Variants in SGSM1 observed in about 807,000 individuals in gnomAD.
SGSM1 encodes the protein RUN and TBC1 domain containing 2.
Under a neutral mutation model 133.8 loss-of-function variants are expected in SGSM1, and 73 were observed. The observed-to-expected ratio is 0.55, with a 90% CI of 0.45 to 0.66. The LOEUF (loss-of-function observed/expected upper bound fraction) is 0.66, where lower values mean the gene tolerates loss of function less well. Among genes scored for constraint, SGSM1 ranks in the 30% least tolerant of loss-of-function variants. The pLI is 0.00. For missense variants in SGSM1, 1,213 were observed against 1,448.1 expected (o/e 0.84, Z 2.64); for synonymous variants, 563 against 573.0 (o/e 0.98, Z 0.25).
At chr22:24,845,949 C>CTTTTCT (rs1220528542) in intron 3 of SGSM1, among the ~76,000 whole-genome samples, 37 of 56,068 alleles carry the variant, frequency 6.6e-4, no homozygotes, top group African/African-American at 2.0e-3. Flanking sequence ...TCTTTTCTTT[C>CTTTTCT]TTTCTTTCTT....
Position 24,855,628 on chromosome 22 carries a change from A to G in SGSM1, c.749A>G (p.Gln250Arg). Reference protein sequence around the residue: ...SARDYVESLHQNSRATLLYGK... With the variant: ...SARDYVESLHRNSRATLLYGK... ...CGCGACTACGTGGAGTCCCTGCATC[A>G]GAACTCCCGTGCCACCCTTCTCTAT... The change falls in exon 8 of 25, where the codon CAG (glutamine) becomes CGG (arginine). Residue 250 changes from glutamine (Q) to arginine (R), a missense_variant. Transcript: ENST00000400358. The G allele has an allele frequency of 1.9e-6, 3 of 1,613,992 alleles. No individual in the cohort carries two copies. The East Asian group carries it at 6.7e-5, about 36-fold the overall frequency.
intron 2 of SGSM1, among the ~76,000 whole-genome samples, chr22:24,822,344 G>A (rs546306114): frequency 4.6e-5 from 7 of 151,930 alleles, no homozygotes; most frequent in Middle Eastern, 3.4e-3. Context: ...TGCCCGCCTC[G>A]GCCTCCCAAA....
At chr22:24,885,881 C>G (rs1267295864) in intron 15 of SGSM1, among the ~76,000 whole-genome samples, 2 of 152,136 alleles carry the variant, frequency 1.3e-5, no homozygotes, top group Non-Finnish European at 2.9e-5. Context: ...TATCCAAGTA[C>G]CTGTGACTTT....
intron 2 of SGSM1, among the ~76,000 whole-genome samples, chr22:24,825,245 G>A (rs538315660): frequency 2.2e-4 from 34 of 152,206 alleles, no homozygotes; most frequent in African/African-American, 7.9e-4. Flanking sequence ...GAGGGTCAGT[G>A]GTCCAGGTAG....
Position 24,806,275 on chromosome 22 carries a change from C to T in SGSM1, c.-51C>T, listed in dbSNP as rs1927372707. On this transcript the variant is annotated 5_prime_UTR_variant, in exon 1 of 25. Transcript: ENST00000400358. ...AGCGCCGCGGCCGGAGGAGCTACCG[C>T]CGCCACCGCCGCCACCGCCTCCTGG... 1.4e-6 allele frequency: 2 copies of T among 1,402,982 alleles called. No individual in the cohort carries two copies. The highest frequency in any genetic ancestry group is 3.1e-5 in the East Asian group (1 of 32,708). 86.9% of individuals were successfully genotyped at this position (1,402,982 alleles called of 1,614,324 possible). A position where few individuals can be genotyped will look rare whatever the true frequency, so the allele number is the denominator to read the frequency against.
chr22:24,898,896 AGGCACCT>A (rs1354784511), intron 19 of SGSM1, among the ~76,000 whole-genome samples: 1 of 151,834 alleles, frequency 6.6e-6, no homozygotes, highest in African/African-American at 2.4e-5. Context: ...GCGTGGTGGC[AGGCACCT>A]GTAGTACCAG....
At chr22:24,851,612 A>G (rs1370303450) in intron 5 of SGSM1, among the ~76,000 whole-genome samples, 1 of 152,218 alleles carries the variant, frequency 6.6e-6, no homozygotes, top group East Asian at 1.9e-4. Flanking sequence ...AAGTGGAGAG[A>G]AAAGTCCCCC....
chr22:24,829,316 A>G (rs144723064), intron 2 of SGSM1, among the ~76,000 whole-genome samples: 74 of 152,300 alleles, frequency 4.9e-4, no homozygotes, highest in African/African-American at 1.6e-3. Context: ...TCACTTATAA[A>G]TGAGAGCTAA....
chr22:24,806,632 C>A, intron 2 of SGSM1, 148 bp downstream of exon 2: 1 of 963,644 alleles, frequency 1.0e-6, no homozygotes, highest in South Asian at 2.0e-5. Context: ...TGACCTCCCG[C>A]AGGGCAGGAG....
chr22:24,856,791 C>T (rs1344407199), intron 8 of SGSM1, among the ~76,000 whole-genome samples: 2 of 145,918 alleles, frequency 1.4e-5, no homozygotes, highest in African/African-American at 2.5e-5. Flanking sequence ...TTTTCTGAGA[C>T]AGAGTCTCGC....
chr22:24,886,797 G>GCGC, intron 16 of SGSM1, 69 bp downstream of exon 16: 1 of 1,509,796 alleles, frequency 6.6e-7, no homozygotes, highest in East Asian at 2.5e-5. Flanking sequence ...GGGCTGGGGA[G>GCGC]TGCTGGTTCC....
Position 24,867,135 on chromosome 22 carries a change from T to G in SGSM1, c.969T>G (p.Ile323Met). 6.2e-7 allele frequency: 1 copy of G among 1,613,812 alleles called. No individual in the cohort carries two copies. The highest frequency in any genetic ancestry group is 8.5e-7 in the Non-Finnish European group (1 of 1,179,858). The part of the protein sequence containing the change: ...DYAMTIRLEE[I>M]VYLHCHQQVD... Reference sequence around the variant, plus strand: ...CCATGACCATCCGCTTGGAGGAGATTGTCTACCTGCACTGCCACCAGCAAG... The same window carrying G: ...CCATGACCATCCGCTTGGAGGAGATGGTCTACCTGCACTGCCACCAGCAAG... The change falls in exon 10 of 25, where the codon ATT (isoleucine) becomes ATG (methionine). Residue 323 changes from isoleucine to methionine, a missense_variant. Coordinates refer to ENST00000400358, the MANE Select transcript of SGSM1 (RefSeq NM_001098497.3).
At chr22:24,859,679 G>A in intron 8 of SGSM1, 37 bp from the exon 9 acceptor site, 1 of 1,612,460 alleles carries the variant, frequency 6.2e-7, no homozygotes, top group South Asian at 1.1e-5. Context: ...AGCAACTCCA[G>A]CACCATGGCC....
intron 2 of SGSM1, among the ~76,000 whole-genome samples, chr22:24,816,797 G>T (rs1928111512): frequency 6.6e-6 from 1 of 152,094 alleles, no homozygotes. Flanking sequence ...TTCTGTTTTG[G>T]CATTATGCTC....
At position 24,898,160 on chromosome 22, in the gene SGSM1, T is replaced by C. The variant is rs1932974339; in HGVS notation, c.2211T>C (p.Ser737=). 1 of 1,613,936 alleles carries C rather than the reference T, an allele frequency of 6.2e-7. No individual in the cohort carries two copies. Among genetic ancestry groups the C allele is most frequent in the East Asian group, 2.2e-5 (1 of 44,870 alleles). ...HSEPSLSTED[S]VLDAQRNTPT... ...AGCCCAGTCTGAGCACAGAAGACAG[T>C]GTCTTGGACGCCCAGCGGAACACCC... Residue 737 remains serine (S), a synonymous_variant, in exon 19 of 25, where the codon AGT becomes AGC. Coordinates refer to ENST00000400358, the MANE Select transcript of SGSM1 (RefSeq NM_001098497.3).
chr22:24,904,123 A>T (rs1933273639), intron 20 of SGSM1, among the ~76,000 whole-genome samples: 1 of 152,130 alleles, frequency 6.6e-6, no homozygotes, highest in Non-Finnish European at 1.5e-5. Context: ...GATTTGGGAC[A>T]TGTCATTTAC....
chr22:24,860,914 A>ATATAT (rs1324268163), intron 9 of SGSM1, among the ~76,000 whole-genome samples: 110 of 95,818 alleles, frequency 1.1e-3, no homozygotes, highest in African/African-American at 3.1e-3. Context: ...AAAAAAAAAA[A>ATATAT]AAAAAAAAAT....
chr22:24,896,667 T>C (rs1932923075), intron 18 of SGSM1, among the ~76,000 whole-genome samples: 1 of 151,992 alleles, frequency 6.6e-6, no homozygotes, highest in Admixed American at 6.6e-5. Context: ...AACTAATTTT[T>C]TGAATGAGAA....
intron 19 of SGSM1, 122 bp downstream of exon 19, chr22:24,898,681 C>T (rs184761011): frequency 1.6e-5 from 15 of 960,628 alleles, no homozygotes; most frequent in East Asian, 5.1e-5. Flanking sequence ...GCATTTTTTC[C>T]GTCATGGAGG....
Sources: gnomAD v4.1 joint callset for allele counts (sites outside exome capture counted in the v4.1 genomes callset) on GRCh38, gnomAD v4.1.1 for gene constraint, MANE v1.5 for transcripts, NCBI Gene and HGNC (gene_info 2026-07-23, HGNC 2026-07-21) for gene names.